The following RMDN2 variants were observed in gnomAD, a reference collection of about 807,000 sequenced individuals.
The protein encoded by RMDN2 is regulator of microtubule dynamics 2, also known as regulator of microtubule dynamics protein 2.
In RMDN2, 61 loss-of-function variants were observed where a neutral mutation model predicts 52.8. The ratio of observed to expected loss-of-function variants is 1.16; its 90% CI spans 0.94 to 1.43. RMDN2 has a LOEUF of 1.43. Among genes scored for constraint, RMDN2 ranks in the 40% most tolerant of loss-of-function variants. The pLI is 0.00. For synonymous variants in RMDN2, 180 were observed against 153.1 expected, an observed-to-expected ratio of 1.18 and a Z score of -1.30; for missense variants, 592 against 475.3, an observed-to-expected ratio of 1.25 and a Z score of -2.28.
In RMDN2 at chr2:37,989,598, C is replaced by T. The variant is rs1475278754; in HGVS notation, c.849C>T (p.Asn283=). 2 of 1,604,504 alleles carry T rather than the reference C, an allele frequency of 1.2e-6. No homozygotes were observed. Among genetic ancestry groups the T allele is most frequent in the African/African-American group, 2.7e-5 (2 of 73,890 alleles). Residue 283 remains asparagine, a synonymous_variant, in exon 6 of 11, where the codon AAC becomes AAT. Transcript: ENST00000354545. Reference sequence around the variant, plus strand: ...TTGAGGGTTTACAAAACAAAATCAACTATGGGCACCTCTTCAAGGTATTTC... The same window carrying T: ...TTGAGGGTTTACAAAACAAAATCAATTATGGGCACCTCTTCAAGGTATTTC... ...SEFEGLQNKI[N]YGHLFKEHLD...
intron 2 of RMDN2, among the ~76,000 whole-genome samples, chr2:37,935,506 A>G (rs905847611): frequency 6.6e-6 from 1 of 152,236 alleles, no homozygotes; most frequent in African/African-American, 2.4e-5. Context: ...TAAATTTGCA[A>G]AACAAAGTTG....
chr2:38,046,615 C>A (rs2082255), intron 10 of RMDN2, among the ~76,000 whole-genome samples: 44,224 of 151,860 alleles, frequency 0.29, 7,987 homozygotes, highest in South Asian at 0.49. Flanking sequence ...AGGAAAAAAT[C>A]TTAAAAGCAA....
intron 4 of RMDN2, among the ~76,000 whole-genome samples, chr2:37,978,171 C>G (rs934990732): frequency 2.6e-5 from 4 of 152,050 alleles, no homozygotes; most frequent in Non-Finnish European, 4.4e-5. Context: ...AATACGAAAA[C>G]CAGTCAGGCG....
At chr2:38,004,253 G>C in intron 10 of RMDN2, 37 bp downstream of exon 10, 2 of 1,414,834 alleles carry the variant, frequency 1.4e-6, no homozygotes, top group African/African-American at 1.4e-5. Context: ...CTGTTGTCTT[G>C]TTAGTACTAT....
chr2:38,044,095 A>G (rs80195576), intron 10 of RMDN2, among the ~76,000 whole-genome samples: 1,661 of 152,168 alleles, frequency 0.011, 50 homozygotes, highest in African/African-American at 0.036. Context: ...CAAGAAAATT[A>G]TCCCAGTTTT....
rs963381455 is a variant in RMDN2, at chr2:37,954,896, G to C, written c.453-19144G>C. ...TTTCAACAATGTTTTGTAGTTTTCA[G>C]TGTAGGTTTTTCATCTCCTTAGTTA... On this transcript the variant is annotated intron_variant, in intron 2 of 10. Coordinates refer to ENST00000354545, the MANE Select transcript of RMDN2 (RefSeq NM_001170791.3). Among the ~76,000 whole-genome samples, 3 of 152,000 alleles carry C rather than the reference G, an allele frequency of 2.0e-5. No homozygotes were observed. In the East Asian group the frequency reaches 5.8e-4, roughly 29 times the overall value.
At chr2:38,012,626 G>A in intron 10 of RMDN2, 3 of 466,526 alleles carry the variant, frequency 6.4e-6, no homozygotes, top group South Asian at 4.8e-5. Context: ...TGTATTCTTA[G>A]CAATTTTTTT....
intron 5 of RMDN2, among the ~76,000 whole-genome samples, chr2:37,982,305 A>G (rs1003329014): frequency 7.9e-5 from 12 of 152,202 alleles, no homozygotes; most frequent in African/African-American, 2.4e-4. Context: ...CCACTCACAA[A>G]CTCTCACTTA....
chr2:37,993,611 C>G (rs562894669), intron 7 of RMDN2, among the ~76,000 whole-genome samples: 1 of 152,184 alleles, frequency 6.6e-6, no homozygotes, highest in South Asian at 2.1e-4. Flanking sequence ...CTTGAAACCA[C>G]CTGATAGTCG....
intron 2 of RMDN2, among the ~76,000 whole-genome samples, chr2:37,939,580 T>C (rs751147334): frequency 6.6e-6 from 1 of 152,224 alleles, no homozygotes. Context: ...TGCTCTTGTA[T>C]TGGGTGAGTA....
In RMDN2 at chr2:37,949,639, A is replaced by G. The variant is rs141830473; in HGVS notation, c.452+19910A>G. Among the ~76,000 whole-genome samples the G allele has an allele frequency of 2.7e-3, 405 of 152,232 alleles. 2 individuals carry two copies. Among genetic ancestry groups the G allele is most frequent in the Middle Eastern group, 0.01 (3 of 294 alleles). On this transcript the variant is annotated intron_variant, in intron 2 of 10. Transcript: ENST00000354545. ...GACCATTGTATGGTGAACGTTAGAG[A>G]GCTTTGGGTCTCTTAAAAGGAATTT...
At chr2:37,983,339 G>A (rs142972122) in intron 5 of RMDN2, among the ~76,000 whole-genome samples, 123 of 152,218 alleles carry the variant, frequency 8.1e-4, no homozygotes, top group African/African-American at 2.8e-3. Context: ...GCTGAACTCT[G>A]GGTTTCCCAG....
At chr2:38,021,484 G>A (rs560457938), downstream of RMDN2, among the ~76,000 whole-genome samples, 4 of 152,126 alleles carry the variant, frequency 2.6e-5, no homozygotes, top group South Asian at 2.1e-4. Flanking sequence ...AACACTCACC[G>A]CGAAGGTCTG....
At chr2:37,999,726 C>T (rs760721892) in intron 8 of RMDN2, among the ~76,000 whole-genome samples, 33 of 152,010 alleles carry the variant, frequency 2.2e-4, no homozygotes, top group Non-Finnish European at 4.1e-4. Context: ...CACAGGAGGC[C>T]GTGTTGTTGG....
chr2:38,013,531 A>G (rs894490013), intron 10 of RMDN2, among the ~76,000 whole-genome samples: 6 of 152,364 alleles, frequency 3.9e-5, no homozygotes, highest in Admixed American at 3.9e-4. Flanking sequence ...CCTGTTGATT[A>G]AAGTTTTGAG....
intron 8 of RMDN2, 137 bp downstream of exon 8, chr2:37,997,651 C>G (rs1675751811): frequency 1.6e-6 from 1 of 637,554 alleles, no homozygotes; most frequent in Non-Finnish European, 2.8e-6. Flanking sequence ...CTGTTTTAAG[C>G]CCCTCATAAT....
At chr2:37,981,440 C>G in intron 5 of RMDN2, 97 bp downstream of exon 5, 2 of 766,926 alleles carry the variant, frequency 2.6e-6, no homozygotes, top group Non-Finnish European at 4.5e-6. Context: ...TACGTTTAAT[C>G]TGTCAGTCAC....
chr2:38,059,042 G>T (rs1323676613), intron 10 of RMDN2, among the ~76,000 whole-genome samples: 2 of 152,070 alleles, frequency 1.3e-5, no homozygotes. Context: ...AAAGTAAAAC[G>T]TCCAATAAAT....
At chr2:37,927,142 G>C (rs1475092713) in intron 1 of RMDN2, among the ~76,000 whole-genome samples, 2 of 152,148 alleles carry the variant, frequency 1.3e-5, no homozygotes, top group African/African-American at 2.4e-5. Context: ...CAGCTCCGTT[G>C]ATTCTATTTT....
Sources: allele counts gnomAD v4.1 joint callset (sites outside exome capture counted in the v4.1 genomes callset), GRCh38; gene constraint gnomAD v4.1.1; transcripts MANE v1.5; gene names NCBI Gene and HGNC (gene_info 2026-07-23, HGNC 2026-07-21).